The following ZNF804B variants were observed in gnomAD, a reference collection of about 807,000 sequenced individuals.
ZNF804B encodes zinc finger 804B.
Under a neutral mutation model 101.4 loss-of-function variants are expected in ZNF804B, and 80 were observed. That is an observed-to-expected ratio of 0.79 (90% CI 0.66 to 0.95). The LOEUF is 0.95. Ranked by LOEUF, ZNF804B falls within the 40% of genes least tolerant of loss-of-function variation. The probability of loss-of-function intolerance (pLI) is 0.00; values close to 1 mark genes in which losing one functional copy is unlikely to be tolerated. For synonymous variants in ZNF804B, 622 were observed against 558.8 expected (o/e 1.11, Z -1.59); for missense variants, 1,673 against 1,561.9 (o/e 1.07, Z -1.20).
At chr7:89,103,083 T>TA (rs1562885507) in intron 1 of ZNF804B, among the ~76,000 whole-genome samples, 4 of 104,552 alleles carry the variant, frequency 3.8e-5, no homozygotes, top group Admixed American at 1.1e-4. Flanking sequence ...TTTTTTTTTT[T>TA]ACCAATACTG....
intron 1 of ZNF804B, among the ~76,000 whole-genome samples, chr7:89,121,073 A>T (rs1010115443): frequency 6.6e-6 from 1 of 152,210 alleles, no homozygotes. Context: ...AGAGAGGTTA[A>T]CGAACTGCCT....
At chr7:89,303,273 G>A (rs59391937) in intron 2 of ZNF804B, among the ~76,000 whole-genome samples, 3,437 of 151,914 alleles carry the variant, frequency 0.023, 124 homozygotes, top group African/African-American at 0.079. Flanking sequence ...ATCTCAAATG[G>A]ATATTTCAAA....
intron 1 of ZNF804B, among the ~76,000 whole-genome samples, chr7:89,139,981 A>G (rs1419936616): frequency 1.3e-5 from 2 of 152,092 alleles, no homozygotes. Flanking sequence ...TAGCCTTACA[A>G]AATGTCTTAC....
At chr7:88,960,977 T>C (rs1018512623) in intron 1 of ZNF804B, among the ~76,000 whole-genome samples, 2 of 151,418 alleles carry the variant, frequency 1.3e-5, no homozygotes, top group Non-Finnish European at 3.0e-5. Context: ...CCTTGGATAA[T>C]TAAGATTTAT....
At chr7:88,890,643 T>TC (rs1562823994) in intron 1 of ZNF804B, among the ~76,000 whole-genome samples, 1 of 152,162 alleles carries the variant, frequency 6.6e-6, no homozygotes, top group East Asian at 1.9e-4. Flanking sequence ...TTGCTTTTTT[T>TC]CCCAAAATTT....
At chr7:88,999,381 A>G (rs1431480692) in intron 1 of ZNF804B, among the ~76,000 whole-genome samples, 1 of 152,050 alleles carries the variant, frequency 6.6e-6, no homozygotes, top group Non-Finnish European at 1.5e-5. Context: ...CAAGAATTAC[A>G]TAATTCTTAC....
At chr7:88,923,027 A>C (rs1488954971) in intron 1 of ZNF804B, among the ~76,000 whole-genome samples, 1 of 152,096 alleles carries the variant, frequency 6.6e-6, no homozygotes, top group African/African-American at 2.4e-5. Context: ...TATATATTCC[A>C]TATTTTTCCA....
intron 1 of ZNF804B, among the ~76,000 whole-genome samples, chr7:88,821,245 A>T (rs1790976413): frequency 6.6e-6 from 1 of 152,206 alleles, no homozygotes; most frequent in African/African-American, 2.4e-5. Context: ...ATCTATATCA[A>T]GTCCAAGTCT....
intron 1 of ZNF804B, among the ~76,000 whole-genome samples, chr7:88,892,014 A>G (rs1484999947): frequency 6.6e-6 from 1 of 152,152 alleles, no homozygotes; most frequent in East Asian, 1.9e-4. Flanking sequence ...AACATATAAA[A>G]GCCTAAAGTT....
At chr7:89,156,325 G>T (rs1177696656) in intron 1 of ZNF804B, among the ~76,000 whole-genome samples, 1 of 152,018 alleles carries the variant, frequency 6.6e-6, no homozygotes, top group African/African-American at 2.4e-5. Flanking sequence ...ATGTTGGTCT[G>T]GCTGATCTCA....
At position 89,336,138 on chromosome 7, in the gene ZNF804B, AAAACCTTT is replaced by A; in HGVS notation, c.3159_3166del (p.Lys1053AsnfsTer2). 3 of 1,613,960 alleles carry A rather than the reference AAAACCTTT, an allele frequency of 1.9e-6. No individual in the cohort carries two copies. In the South Asian group the frequency reaches 3.3e-5, roughly 18 times the overall value. ...GGGATGCAACAACAAAAGAACAATC[AAAACCTTT>A]AATTAGTGAAATCCAACCTTTTATT... On this transcript the variant is annotated frameshift_variant, in exon 4 of 4. Transcript: ENST00000333190. LOFTEE classifies it high-confidence loss of function.
intron 1 of ZNF804B, among the ~76,000 whole-genome samples, chr7:88,967,445 T>A (rs1487610825): frequency 4.0e-5 from 6 of 151,484 alleles, no homozygotes; most frequent in Admixed American, 1.3e-4. Context: ...ACACTGGGAA[T>A]TACACTTCGA....
intron 2 of ZNF804B, among the ~76,000 whole-genome samples, chr7:89,291,598 G>A (rs1416127769): frequency 1.3e-5 from 2 of 151,808 alleles, no homozygotes; most frequent in African/African-American, 4.8e-5. Context: ...AAAGAAAAAA[G>A]AATAAAAAAG....
At chr7:88,921,208 G>A (rs775630365) in intron 1 of ZNF804B, among the ~76,000 whole-genome samples, 15 of 152,036 alleles carry the variant, frequency 9.9e-5, no homozygotes, top group Admixed American at 5.9e-4. Flanking sequence ...GTAGGAGAGC[G>A]AGTTGGGAGA....
intron 2 of ZNF804B, among the ~76,000 whole-genome samples, chr7:89,311,433 T>C (rs1299392821): frequency 2.0e-5 from 3 of 152,174 alleles, no homozygotes; most frequent in Non-Finnish European, 4.4e-5. Flanking sequence ...TTTTCTCACA[T>C]TGAATTTATT....
chr7:88,875,523 T>A (rs1791917298), intron 1 of ZNF804B, among the ~76,000 whole-genome samples: 2 of 152,082 alleles, frequency 1.3e-5, no homozygotes, highest in Non-Finnish European at 2.9e-5. Context: ...CAGAGAATAC[T>A]ACAAACACCT....
At chr7:89,216,471 A>G (rs1432028146) in intron 1 of ZNF804B, among the ~76,000 whole-genome samples, 1 of 152,206 alleles carries the variant, frequency 6.6e-6, no homozygotes, top group Non-Finnish European at 1.5e-5. Context: ...TCTTTCAACA[A>G]CTGGGTTTTG....
chr7:89,224,189 T>C (rs1184715776), intron 2 of ZNF804B, among the ~76,000 whole-genome samples: 3 of 151,948 alleles, frequency 2.0e-5, no homozygotes, highest in Admixed American at 2.0e-4. Flanking sequence ...AAAATATCTT[T>C]AATAATAAAA....
intron 1 of ZNF804B, among the ~76,000 whole-genome samples, chr7:89,000,299 A>T (rs1167763074): frequency 6.6e-6 from 1 of 152,014 alleles, no homozygotes; most frequent in African/African-American, 2.4e-5. Flanking sequence ...TTTATCTTTA[A>T]GCAAGGTAAT....
Sources: allele counts gnomAD v4.1 joint callset (sites outside exome capture counted in the v4.1 genomes callset), GRCh38; gene constraint gnomAD v4.1.1; transcripts MANE v1.5; gene names NCBI Gene and HGNC (gene_info 2026-07-23, HGNC 2026-07-21).